The following ZC3H12B variants were observed in gnomAD, a reference collection of about 807,000 sequenced individuals.
The protein encoded by ZC3H12B is probable ribonuclease ZC3H12B.
In ZC3H12B, 7 loss-of-function variants were observed where a neutral mutation model predicts 43.9. The ratio of observed to expected loss-of-function variants is 0.16; its 90% confidence interval spans 0.09 to 0.30. ZC3H12B has a LOEUF of 0.30. Among genes scored for constraint, ZC3H12B ranks in the 10% least tolerant of loss-of-function variants. The pLI is 1.00. For synonymous variants in ZC3H12B, 222 were observed against 241.7 expected (o/e 0.92, Z 0.76); for missense variants, 475 against 670.2 (o/e 0.71, Z 3.22).
At chrX:65,373,982 T>A (rs1423985365) in intron 2 of ZC3H12B, among the ~76,000 whole-genome samples, 1 of 45,672 alleles carries the variant, frequency 2.2e-5, no homozygotes, top group Non-Finnish European at 2.9e-5. Flanking sequence ...TATATATATA[T>A]ACTATATATA....
At chrX:65,140,816 G>A in the ZC3H12B span, among the ~76,000 whole-genome samples, 1 of 111,144 alleles carries the variant, frequency 9.0e-6, no homozygotes, top group Non-Finnish European at 1.9e-5. Context: ...ATGCATCTAG[G>A]AATTTTCCTG....
intron 2 of ZC3H12B, among the ~76,000 whole-genome samples, chrX:65,378,478 A>G (rs760619305): frequency 5.2e-4 from 58 of 112,169 alleles, no homozygotes; most frequent in Non-Finnish European, 9.8e-4. Context: ...TACAAAAAAA[A>G]ATTAAGAAAT....
At chrX:65,406,565 AACGGGGCTGGGCGGGGCTGG>A (rs1339136770) in intron 3 of ZC3H12B, among the ~76,000 whole-genome samples, 87 of 48,621 alleles carry the variant, frequency 1.8e-3, no homozygotes, top group East Asian at 0.012. Context: ...ATCGGGGCTG[AACGGGGCTGGGCGGGGCTGG>A]GCGGGGCTGG....
At chrX:65,039,074 C>T in the ZC3H12B span, among the ~76,000 whole-genome samples, 2 of 111,321 alleles carry the variant, frequency 1.8e-5, no homozygotes, top group African/African-American at 6.5e-5. Flanking sequence ...AAAGTGGAGA[C>T]TACCATTCCT....
the ZC3H12B span, among the ~76,000 whole-genome samples, chrX:65,231,862 G>T: frequency 9.0e-6 from 1 of 111,394 alleles, no homozygotes; most frequent in Non-Finnish European, 1.9e-5. Context: ...CAAAAAATTT[G>T]TACAGTTAAC....
chrX:65,403,411 T>A (rs1266596902), intron 3 of ZC3H12B, among the ~76,000 whole-genome samples: 2 of 111,698 alleles, frequency 1.8e-5, no homozygotes, highest in Non-Finnish European at 3.8e-5. Flanking sequence ...CAAAGTTTAT[T>A]CAACAGGATA....
intron 1 of ZC3H12B, among the ~76,000 whole-genome samples, chrX:65,490,275 TAGA>T (rs1175344968): frequency 1.9e-5 from 2 of 104,484 alleles, no homozygotes; most frequent in Non-Finnish European, 3.9e-5. Context: ...TCAGAATAAG[TAGA>T]AGGAGATGGA....
chrX:65,381,228 A>G, intron 2 of ZC3H12B, among the ~76,000 whole-genome samples: 1 of 111,780 alleles, frequency 8.9e-6, no homozygotes, highest in East Asian at 2.8e-4. Flanking sequence ...GCACACGTAA[A>G]AGAACAGAAA....
intron 1 of ZC3H12B, among the ~76,000 whole-genome samples, chrX:65,492,609 C>T (rs1328505183): frequency 9.0e-6 from 1 of 111,301 alleles, no homozygotes; most frequent in Non-Finnish European, 1.9e-5. Flanking sequence ...CCGTTAAGTC[C>T]CATTTATTCT....
chrX:65,408,368 C>A, intron 3 of ZC3H12B: 1 of 1,204,666 alleles, frequency 8.3e-7, no homozygotes, highest in Non-Finnish European at 1.1e-6. Context: ...CATCCCATTT[C>A]TGTCTCAGGA....
chrX:65,400,913 T>C (rs2066754641), intron 3 of ZC3H12B, among the ~76,000 whole-genome samples: 1 of 111,564 alleles, frequency 9.0e-6, no homozygotes, highest in African/African-American at 3.3e-5. Context: ...GTACTCAGTA[T>C]AGGTGTTTAA....
chrX:65,340,955 T>A, the ZC3H12B span, among the ~76,000 whole-genome samples: 4 of 111,463 alleles, frequency 3.6e-5, no homozygotes, highest in South Asian at 1.5e-3. Context: ...AAGCTAAAAA[T>A]CAAAATAAAA....
chrX:65,406,547 C>T (rs2066823877), intron 3 of ZC3H12B, among the ~76,000 whole-genome samples: 1 of 98,018 alleles, frequency 1.0e-5, no homozygotes. Flanking sequence ...GCTAGCGTCC[C>T]CCGCCCGATC....
chrX:65,352,840 G>A, the ZC3H12B span, among the ~76,000 whole-genome samples: 5 of 111,594 alleles, frequency 4.5e-5, no homozygotes, highest in Admixed American at 9.5e-5. Context: ...TGCGATAAGA[G>A]ATCTTTGTTT....
At chrX:65,287,538 G>T in the ZC3H12B span, among the ~76,000 whole-genome samples, 1 of 110,654 alleles carries the variant, frequency 9.0e-6, no homozygotes, top group African/African-American at 3.3e-5. Flanking sequence ...GGTCTAGGAT[G>T]TTGCTTGTGT....
the ZC3H12B span, among the ~76,000 whole-genome samples, chrX:65,171,847 T>G: frequency 9.1e-6 from 1 of 110,392 alleles, no homozygotes; most frequent in Non-Finnish European, 1.9e-5. Flanking sequence ...GAGACAAGTG[T>G]GGGATATAAT....
the ZC3H12B span, among the ~76,000 whole-genome samples, chrX:65,183,704 T>A: frequency 3.6e-5 from 4 of 111,399 alleles, no homozygotes; most frequent in Non-Finnish European, 7.5e-5. Flanking sequence ...TAGTTACAGG[T>A]TTGGTTGTTT....
chrX:65,096,487 A>G, the ZC3H12B span, among the ~76,000 whole-genome samples: 1 of 112,491 alleles, frequency 8.9e-6, no homozygotes, highest in Non-Finnish European at 1.9e-5. Context: ...CTAAGAATCA[A>G]AAAGAAAGGC....
chrX:65,079,417 G>A, the ZC3H12B span, among the ~76,000 whole-genome samples: 1 of 112,228 alleles, frequency 8.9e-6, no homozygotes, highest in Non-Finnish European at 1.9e-5. Context: ...TCAGGCCTTG[G>A]GTGAGACCTA....
Sources: allele counts gnomAD v4.1 joint callset (sites outside exome capture counted in the v4.1 genomes callset), GRCh38; gene constraint gnomAD v4.1.1; transcripts MANE v1.5; gene names NCBI Gene and HGNC (gene_info 2026-07-23, HGNC 2026-07-21).